Variants in SLC14A2 observed in about 807,000 individuals in gnomAD.
SLC14A2 encodes solute carrier family 14 member 2, also known as urea transporter 2.
A neutral mutation model predicts 104.6 loss-of-function variants in SLC14A2; 91 were observed. That is an observed-to-expected ratio of 0.87 (90% CI 0.73 to 1.04). The LOEUF (loss-of-function observed/expected upper bound fraction) is 1.04, where lower values mean the gene tolerates loss of function less well. Among genes scored for constraint, SLC14A2 ranks in the 50% least tolerant of loss-of-function variants. The pLI, the probability that SLC14A2 is intolerant of heterozygous loss-of-function variation, is 0.00. For missense variants in SLC14A2, 1,189 were observed against 1,156.0 expected (o/e 1.03, Z -0.41); for synonymous variants, 476 against 466.4 (o/e 1.02, Z -0.27).
intron 2 of SLC14A2, among the ~76,000 whole-genome samples, 165 bp from the exon 3 acceptor site, chr18:45,625,518 C>T (rs2045243176): frequency 6.6e-6 from 1 of 152,142 alleles, no homozygotes; most frequent in Admixed American, 6.5e-5. Flanking sequence ...GAAGAACAGG[C>T]TTGTACGGGG....
intron 2 of SLC14A2, among the ~76,000 whole-genome samples, chr18:45,515,198 AC>A (rs1337225353): frequency 6.6e-6 from 1 of 152,210 alleles, no homozygotes. Flanking sequence ...AAAATGGAAG[AC>A]TTCAAGTGTT....
chr18:45,398,404 G>A (rs985427170), intron 1 of SLC14A2, among the ~76,000 whole-genome samples: 2 of 152,160 alleles, frequency 1.3e-5, no homozygotes, highest in African/African-American at 4.8e-5. Context: ...TTATCAGAAA[G>A]CAGCAGGGAT....
intron 1 of SLC14A2, among the ~76,000 whole-genome samples, chr18:45,223,275 C>A (rs985176598): frequency 1.3e-5 from 2 of 152,052 alleles, no homozygotes; most frequent in Non-Finnish European, 2.9e-5. Flanking sequence ...TGTGAGAGGT[C>A]ACAATGACGG....
Position 45,294,257 on chromosome 18 carries a change from A to G in SLC14A2, c.-125+81066A>G, listed in dbSNP as rs183565653. Among the ~76,000 whole-genome samples the G allele has an allele frequency of 7.5e-4, 115 of 152,322 alleles. 1 individual carries two copies. The Middle Eastern group carries it at 0.027, about 36-fold the overall frequency. ...GAAAGAGTGATTAAGCAAGTATTAC[A>G]TTTTTACTGAAGAAAGTAAATTCTC... On this transcript the variant is annotated intron_variant, in intron 1 of 20. Transcript: ENST00000586448.
chr18:45,541,818 A>G (rs1228809643), intron 2 of SLC14A2, among the ~76,000 whole-genome samples: 1 of 152,170 alleles, frequency 6.6e-6, no homozygotes, highest in East Asian at 1.9e-4. Context: ...CTGGGGCTTC[A>G]TGAGATATAA....
At chr18:45,334,744 T>G (rs186979399) in intron 1 of SLC14A2, among the ~76,000 whole-genome samples, 18 of 152,276 alleles carry the variant, frequency 1.2e-4, no homozygotes, top group Admixed American at 7.8e-4. Flanking sequence ...TCAGTAGCTG[T>G]GAGATGCTGG....
At chr18:45,211,481 GA>G (rs2083961254), upstream of SLC14A2, among the ~76,000 whole-genome samples, 2 of 152,090 alleles carry the variant, frequency 1.3e-5, no homozygotes, top group South Asian at 2.1e-4. Flanking sequence ...TTAGGGAGAA[GA>G]AAAAAATTAC....
chr18:45,456,141 C>G (rs561387495), intron 1 of SLC14A2, among the ~76,000 whole-genome samples: 5 of 152,176 alleles, frequency 3.3e-5, no homozygotes, highest in African/African-American at 1.2e-4. Flanking sequence ...GTAGTACCTC[C>G]CTCCCAGCTG....
intron 16 of SLC14A2, among the ~76,000 whole-genome samples, chr18:45,671,848 C>T (rs2046145095): frequency 6.6e-6 from 1 of 152,190 alleles, no homozygotes; most frequent in African/African-American, 2.4e-5. Context: ...AGCTTCCTGC[C>T]CATGGGCCTT....
chr18:45,262,381 AACACTGTGATGTC>A lies in SLC14A2; in HGVS notation c.-125+49191_-125+49203del, dbSNP rs1233982004. Among the ~76,000 whole-genome samples, 10 of 152,090 alleles carry A rather than the reference AACACTGTGATGTC, an allele frequency of 6.6e-5. 1 individual carries two copies. The South Asian group carries it at 8.3e-4, about 13-fold the overall frequency. The stretch of plus-strand genomic sequence containing the variant: ...CCACTGTACATGCTGCCCCTTGGGA[AACACTGTGATGTC>A]CAGCAAAAGGGGAGTTAGCCAGGCA... On this transcript the variant is annotated intron_variant, in intron 1 of 20. Coordinates refer to the SLC14A2 transcript ENST00000586448.
chr18:45,294,849 A>G (rs372465385), intron 1 of SLC14A2, among the ~76,000 whole-genome samples: 14 of 152,202 alleles, frequency 9.2e-5, no homozygotes, highest in African/African-American at 2.2e-4. Flanking sequence ...TGACAAACAC[A>G]TGGCAGTATC....
intron 7 of SLC14A2, 90 bp from the exon 8 acceptor site, chr18:45,641,119 G>A (rs2045520441): frequency 1.4e-6 from 2 of 1,402,526 alleles, no homozygotes; most frequent in Non-Finnish European, 2.0e-6. Flanking sequence ...ACAACAGCAT[G>A]GAGGCCACTC....
chr18:45,261,279 T>G (rs2084534192), intron 1 of SLC14A2, among the ~76,000 whole-genome samples: 3 of 151,788 alleles, frequency 2.0e-5, no homozygotes, highest in Admixed American at 6.6e-5. Flanking sequence ...TTTTTTGTCC[T>G]TGCGATAGTT....
At chr18:45,676,549 G>A (rs2046232290) in intron 18 of SLC14A2, among the ~76,000 whole-genome samples, 1 of 151,756 alleles carries the variant, frequency 6.6e-6, no homozygotes, top group African/African-American at 2.4e-5. Flanking sequence ...CCTTCCCCAG[G>A]AACATTTGGC....
chr18:45,392,002 A>C (rs929674782), intron 1 of SLC14A2, among the ~76,000 whole-genome samples: 1 of 152,204 alleles, frequency 6.6e-6, no homozygotes, highest in Admixed American at 6.5e-5. Flanking sequence ...GTCCTTGCCC[A>C]TGCCTATGTC....
At chr18:45,425,896 T>G (rs574701193) in intron 1 of SLC14A2, among the ~76,000 whole-genome samples, 1 of 152,174 alleles carries the variant, frequency 6.6e-6, no homozygotes, top group African/African-American at 2.4e-5. Flanking sequence ...TGGATTTCAT[T>G]TGAGTGAAAA....
chr18:45,503,323 C>T (rs2043228621), intron 2 of SLC14A2, among the ~76,000 whole-genome samples: 1 of 152,120 alleles, frequency 6.6e-6, no homozygotes, highest in Non-Finnish European at 1.5e-5. Context: ...AGGGGTCTCT[C>T]CACGTTATGT....
chr18:45,229,219 T>C (rs1445763442), intron 1 of SLC14A2, among the ~76,000 whole-genome samples: 1 of 152,160 alleles, frequency 6.6e-6, no homozygotes, highest in African/African-American at 2.4e-5. Flanking sequence ...CTGTGCTGAT[T>C]TAGGTTCTGT....
At chr18:45,611,840 A>C (rs1416415071), upstream of SLC14A2, among the ~76,000 whole-genome samples, 1 of 152,192 alleles carries the variant, frequency 6.6e-6, no homozygotes, top group Non-Finnish European at 1.5e-5. Context: ...CTTACACCCC[A>C]TCATGAGATT....
Sources: allele counts gnomAD v4.1 joint callset (sites outside exome capture counted in the v4.1 genomes callset), GRCh38; gene constraint gnomAD v4.1.1; transcripts MANE v1.5; gene names NCBI Gene and HGNC (gene_info 2026-07-23, HGNC 2026-07-21).